MCM6: variants seen among roughly 807,000 people sequenced by gnomAD.
MCM6 encodes the protein DNA replication licensing factor MCM6.
Under a neutral mutation model 94.3 loss-of-function variants are expected in MCM6, and 46 were observed. That is an observed-to-expected ratio of 0.49 (90% CI 0.39 to 0.62). MCM6 has a LOEUF of 0.62. Ranked by LOEUF, MCM6 falls within the 20% of genes least tolerant of loss-of-function variation. The pLI is 0.00. For missense variants in MCM6, 865 were observed against 1,017.9 expected, an observed-to-expected ratio of 0.85 and a Z score of 2.04; for synonymous variants, 335 against 351.9, an observed-to-expected ratio of 0.95 and a Z score of 0.54.
intron 3 of MCM6, among the ~76,000 whole-genome samples, chr2:135,869,418 A>C (rs1383874737): frequency 1.3e-5 from 2 of 151,428 alleles, no homozygotes; most frequent in Non-Finnish European, 2.9e-5. Flanking sequence ...AAAAAAAACA[A>C]AAACAGAATG....
chr2:135,841,831 G>A (rs1384204872), intron 16 of MCM6, among the ~76,000 whole-genome samples: 6 of 152,122 alleles, frequency 3.9e-5, no homozygotes, highest in Admixed American at 2.0e-4. Context: ...CAGGCTGAGC[G>A]CAGTAGCTCA....
intron 12 of MCM6, among the ~76,000 whole-genome samples, chr2:135,852,454 T>A (rs1195962298): frequency 6.6e-6 from 1 of 152,216 alleles, no homozygotes; most frequent in Non-Finnish European, 1.5e-5. Flanking sequence ...AAGATTCAAC[T>A]ATTGATTTAG....
intron 11 of MCM6, among the ~76,000 whole-genome samples, chr2:135,855,395 A>G (rs1000486657): frequency 1.3e-5 from 2 of 151,976 alleles, no homozygotes; most frequent in African/African-American, 4.8e-5. Flanking sequence ...ACCAGGTGTG[A>G]TGGTGCAGGC....
rs1205198536 is a variant in MCM6, at chr2:135,839,830, G to T, written c.*1005C>A. 1.3e-5 allele frequency: 2 copies of T among 152,128 alleles called. No individual in the cohort carries two copies. Among genetic ancestry groups the T allele is most frequent in the East Asian group, 3.8e-4 (2 of 5,196 alleles). The allele number at this position is 152,128 out of a possible 1,614,324, so 9.4% of individuals were successfully genotyped here. On this transcript the variant is annotated 3_prime_UTR_variant, in exon 17 of 17. Transcript: ENST00000264156. ...GGCTGCTCAAATTCACATTGCACTG[G>T]AAAGCTCAGACATCAAGGCAAGTTG...
At chr2:135,841,442 G>T (rs1304652080) in intron 16 of MCM6, among the ~76,000 whole-genome samples, 1 of 152,004 alleles carries the variant, frequency 6.6e-6, no homozygotes, top group African/African-American at 2.4e-5. Flanking sequence ...AAAAAAGGTA[G>T]AACATGCCAT....
chr2:135,859,166 CAA>C, intron 9 of MCM6, 133 bp downstream of exon 9: 3 of 669,958 alleles, frequency 4.5e-6, no homozygotes, highest in Non-Finnish European at 7.2e-6. Context: ...AGTACTGGGA[CAA>C]AGGTGTGAGC....
chr2:135,846,259 A>G lies in MCM6; in HGVS notation c.2187T>C (p.Leu729=). 1 of 1,614,108 alleles carries G rather than the reference A, an allele frequency of 6.2e-7. No individual in the cohort carries two copies. The highest frequency in any genetic ancestry group is 8.5e-7 in the Non-Finnish European group (1 of 1,179,980). The change falls in exon 15 of 17, where the codon CTT becomes CTC. Residue 729 remains leucine (L), a synonymous_variant. Transcript: ENST00000264156. ...CACCTTCTTCCACCTTTCTGAGGTG[A>G]AGCACAATAAGGTTAGAGATTCGGC... The part of the protein sequence containing the change: ...EYCRISNLIV[L]HLRKVEEEED...
chr2:135,848,760 C>T (rs1679714752), intron 13 of MCM6, among the ~76,000 whole-genome samples: 1 of 152,148 alleles, frequency 6.6e-6, no homozygotes, highest in Non-Finnish European at 1.5e-5. Context: ...TGGCACATGC[C>T]TGTAATCCCA....
chr2:135,856,913 T>C (rs751213448), intron 10 of MCM6, 30 bp from the exon 11 acceptor site: 1 of 1,591,256 alleles, frequency 6.3e-7, no homozygotes, highest in African/African-American at 1.4e-5. Flanking sequence ...TCTTAACAGA[T>C]TTAAATAGAC....
At position 135,848,126 on chromosome 2, in the gene MCM6, T is replaced by C. The variant is rs775237199; in HGVS notation, c.1980A>G (p.Glu660=). 3.7e-6 allele frequency: 6 copies of C among 1,611,300 alleles called. No homozygotes were observed. Among genetic ancestry groups the C allele is most frequent in the Non-Finnish European group, 5.1e-6 (6 of 1,177,490 alleles). ...CTTGATCTAGATTGACATCAGGTGT[T>C]TCCACACGGATGATTGATTTATTCA... The part of the protein sequence containing the change: ...RLLNKSIIRV[E]TPDVNLDQEE... Residue 660 remains glutamate, a synonymous_variant, in exon 14 of 17, where the codon GAA becomes GAG. Coordinates refer to ENST00000264156, the MANE Select transcript of MCM6 (RefSeq NM_005915.6).
At chr2:135,859,964 C>T (rs918061006) in intron 8 of MCM6, among the ~76,000 whole-genome samples, 2 of 151,792 alleles carry the variant, frequency 1.3e-5, no homozygotes, top group African/African-American at 2.4e-5. Context: ...CCACTATGCC[C>T]GGCTAATTTT....
Position 135,856,891 on chromosome 2 carries a change from CA to C in MCM6, c.1471-9del, listed in dbSNP as rs766155976. 3.3e-4 allele frequency: 526 copies of C among 1,604,740 alleles called. No individual in the cohort carries two copies. Among genetic ancestry groups the C allele is most frequent in the Non-Finnish European group, 4.3e-4 (503 of 1,176,604 alleles). On this transcript the variant is annotated splice_polypyrimidine_tract_variant and intron_variant, in intron 10 of 16. Transcript: ENST00000264156. ...CCGGGCGTTCAGAGTAGCCTGACCA[CA>C]AAAGAAAGAATCTTAACAGATTTAA...
rs764476282 is a variant in MCM6, at chr2:135,866,707, C to T, written c.637G>A (p.Ala213Thr). 1.2e-6 allele frequency: 2 copies of T among 1,610,556 alleles called. No homozygotes were observed. The highest frequency in any genetic ancestry group is 1.1e-5 in the South Asian group (1 of 90,438). Residue 213 changes from alanine (A) to threonine (T), a missense_variant, in exon 5 of 17, where the codon GCT becomes ACT. Ala to Thr is a moderately conservative substitution (Grantham distance 58, BLOSUM62 0). Transcript: ENST00000264156. ...GGGATACTCCCTCGAGGAAGCTCAGCTTGGGTCTCTTGAATACGAACCTGT... is the reference window on the plus strand; with the variant it reads ...GGGATACTCCCTCGAGGAAGCTCAGTTTGGGTCTCTTGAATACGAACCTGT... ...FQKVRIQETQ[A>T]ELPRGSIPRS...
intron 2 of MCM6, among the ~76,000 whole-genome samples, chr2:135,870,616 C>T (rs548151353): frequency 1.3e-5 from 2 of 152,322 alleles, no homozygotes; most frequent in African/African-American, 4.8e-5. Flanking sequence ...AATCATACAG[C>T]ACCCACACTG....
Position 135,851,473 on chromosome 2 carries a change from T to C in MCM6, c.1846A>G (p.Ile616Val). The C allele has an allele frequency of 6.2e-7, 1 of 1,613,884 alleles. No individual in the cohort carries two copies. Among genetic ancestry groups the C allele is most frequent in the Admixed American group, 1.7e-5 (1 of 59,994 alleles). ...GSGVTKSSWR[I>V]TVRQLESMIR... ...ATGCTCTCAAGCTGTCGCACTGTAA[T>C]CCTCCATGAAGACTTGGTCACTCCA... Residue 616 changes from isoleucine (I) to valine (V), a missense_variant, in exon 13 of 17, where the codon ATT becomes GTT. Transcript: ENST00000264156.
chr2:135,865,169 G>A lies in MCM6; in HGVS notation c.928-6C>T, dbSNP rs756919304. The A allele has an allele frequency of 7.4e-6, 11 of 1,483,518 alleles. No individual in the cohort carries two copies. The highest frequency in any genetic ancestry group is 1.4e-5 in the African/African-American group (1 of 70,440). The allele number at this position is 1,483,518 out of a possible 1,614,324, so 91.9% of individuals were successfully genotyped here. ...CTGAGCTCTTTCCCCCCAAACTAAT[G>A]GTAGAGAACAAAGGAAGAATCATTA... On this transcript the variant is annotated splice_region_variant and splice_polypyrimidine_tract_variant and intron_variant, in intron 6 of 16. Transcript: ENST00000264156.
At chr2:135,852,570 CCAAA>C (rs915787076) in intron 12 of MCM6, among the ~76,000 whole-genome samples, 21 of 152,040 alleles carry the variant, frequency 1.4e-4, no homozygotes, top group East Asian at 3.9e-4. Context: ...TTTATTACCA[CCAAA>C]CAAATAATGG....
At chr2:135,875,474 G>T (rs566772404) in intron 1 of MCM6, among the ~76,000 whole-genome samples, 2 of 152,196 alleles carry the variant, frequency 1.3e-5, no homozygotes, top group Non-Finnish European at 2.9e-5. Flanking sequence ...GGTCAACTTT[G>T]TTATGTATAT....
Position 135,870,302 on chromosome 2 carries a change from G to A in MCM6, c.314C>T (p.Pro105Leu), listed in dbSNP as rs1291101798. Residue 105 changes from proline to leucine, a missense_variant, in exon 3 of 17, where the codon CCT (proline) becomes CTT (leucine). Physicochemically the swap from Pro to Leu is moderately conservative, Grantham distance 98. Coordinates refer to ENST00000264156, the MANE Select transcript of MCM6 (RefSeq NM_005915.6). Reference protein sequence around the residue: ...KTFVKDRKEIPLAKDFYVAFQ... With the variant: ...KTFVKDRKEILLAKDFYVAFQ... ...TGCAACATAAAAATCCTTGGCAAGA[G>A]GGATCTCTTTACGGTCTTTGACGAA... 1.2e-6 allele frequency: 2 copies of A among 1,613,968 alleles called. No individual in the cohort carries two copies. The highest frequency in any genetic ancestry group is 2.2e-5 in the South Asian group (2 of 91,076).
Sources: allele counts gnomAD v4.1 joint callset (sites outside exome capture counted in the v4.1 genomes callset), GRCh38; gene constraint gnomAD v4.1.1; transcripts MANE v1.5; gene names NCBI Gene and HGNC (gene_info 2026-07-23, HGNC 2026-07-21).